CLASP2: variants seen among roughly 807,000 people sequenced by gnomAD.
CLASP2 encodes cytoplasmic linker associated protein 2.
Under a neutral mutation model 194.4 loss-of-function variants are expected in CLASP2, and 47 were observed. The observed-to-expected ratio is 0.24, with a 90% CI of 0.19 to 0.31. CLASP2 has a LOEUF of 0.31. Ranked by LOEUF, CLASP2 falls within the 10% of genes least tolerant of loss-of-function variation. The probability of loss-of-function intolerance (pLI) is 1.00; values close to 1 mark genes in which losing one functional copy is unlikely to be tolerated. For synonymous variants in CLASP2, 619 were observed against 633.5 expected, an observed-to-expected ratio of 0.98 and a Z score of 0.34; for missense variants, 1,445 against 1,823.6, an observed-to-expected ratio of 0.79 and a Z score of 3.78.
At chr3:33,705,740 T>C (rs1311675182) in intron 1 of CLASP2, among the ~76,000 whole-genome samples, 1 of 152,140 alleles carries the variant, frequency 6.6e-6, no homozygotes, top group Non-Finnish European at 1.5e-5. Context: ...GACTGGAAAC[T>C]ATCCAAACAT....
At chr3:33,587,667 C>A (rs1044748683) in intron 21 of CLASP2, among the ~76,000 whole-genome samples, 3 of 152,142 alleles carry the variant, frequency 2.0e-5, no homozygotes, top group African/African-American at 7.2e-5. Context: ...TTGAATGTTT[C>A]ATGATGTTTC....
At chr3:33,617,676 T>C (rs1213342535) in intron 12 of CLASP2, among the ~76,000 whole-genome samples, 1 of 151,814 alleles carries the variant, frequency 6.6e-6, no homozygotes, top group African/African-American at 2.4e-5. Context: ...ACAGAATTAA[T>C]ATCCTTGATA....
intron 29 of CLASP2, 58 bp from the exon 30 acceptor site, chr3:33,551,453 G>C (rs2059989649): frequency 2.0e-6 from 3 of 1,501,894 alleles, no homozygotes; most frequent in Non-Finnish European, 2.7e-6. Flanking sequence ...AGACACTAGA[G>C]AACATTTCAA....
chr3:33,596,661 A>T (rs1489782190), intron 19 of CLASP2, 50 bp downstream of exon 19: 1 of 1,318,036 alleles, frequency 7.6e-7, no homozygotes, highest in African/African-American at 1.5e-5. Context: ...ATTATATAGA[A>T]TCCAGGTTCC....
intron 28 of CLASP2, 144 bp downstream of exon 28, chr3:33,560,664 G>A (rs901497725): frequency 1.5e-6 from 1 of 672,340 alleles, no homozygotes; most frequent in Non-Finnish European, 2.5e-6. Flanking sequence ...TATACAATAT[G>A]AATGGGCATA....
chr3:33,573,045 G>C, intron 25 of CLASP2, 65 bp downstream of exon 25: 10 of 1,576,528 alleles, frequency 6.3e-6, no homozygotes, highest in South Asian at 3.5e-5. Flanking sequence ...AAGTGTTATA[G>C]AAACAAAGTA....
chr3:33,590,787 A>G (rs1437136053), intron 21 of CLASP2, among the ~76,000 whole-genome samples: 2 of 152,202 alleles, frequency 1.3e-5, no homozygotes, highest in South Asian at 4.1e-4. Context: ...TCCTGATTTC[A>G]AAATTCAGGA....
chr3:33,608,926 T>C (rs562459354), intron 13 of CLASP2, among the ~76,000 whole-genome samples: 1 of 152,114 alleles, frequency 6.6e-6, no homozygotes, highest in South Asian at 2.1e-4. Flanking sequence ...ATTGTTATGC[T>C]AAACAGTTCA....
At chr3:33,631,438 G>C (rs1421778822) in intron 9 of CLASP2, among the ~76,000 whole-genome samples, 1 of 152,188 alleles carries the variant, frequency 6.6e-6, no homozygotes, top group East Asian at 1.9e-4. Flanking sequence ...GCTCACGCCT[G>C]TAACCCCAGC....
chr3:33,559,487 A>C, intron 28 of CLASP2, 102 bp from the exon 29 acceptor site: 1 of 685,004 alleles, frequency 1.5e-6, no homozygotes, highest in Non-Finnish European at 2.5e-6. Flanking sequence ...GTCATCCAAA[A>C]AACATCCATG....
chr3:33,578,346 T>C (rs1463233782), intron 23 of CLASP2, among the ~76,000 whole-genome samples: 1 of 152,200 alleles, frequency 6.6e-6, no homozygotes, highest in Admixed American at 6.5e-5. Flanking sequence ...AATCTAAATT[T>C]AGCATATTTT....
chr3:33,531,809 A>T (rs1236320514), intron 34 of CLASP2, among the ~76,000 whole-genome samples: 1 of 151,116 alleles, frequency 6.6e-6, no homozygotes, highest in Non-Finnish European at 1.5e-5. Context: ...AAAACCTACA[A>T]TGGGATATCG....
chr3:33,593,624 C>T, intron 20 of CLASP2, among the ~76,000 whole-genome samples: 1 of 152,080 alleles, frequency 6.6e-6, no homozygotes, highest in Admixed American at 6.6e-5. Context: ...AACTTCAAGG[C>T]CCCTAATGAG....
intron 10 of CLASP2, among the ~76,000 whole-genome samples, chr3:33,625,694 T>C (rs1334016254): frequency 3.3e-5 from 5 of 151,986 alleles, no homozygotes; most frequent in Admixed American, 2.6e-4. Flanking sequence ...TTTTTAGAGA[T>C]AGCGTTTCAC....
chr3:33,656,515 C>G (rs925398611), intron 7 of CLASP2, among the ~76,000 whole-genome samples: 3 of 152,140 alleles, frequency 2.0e-5, no homozygotes, highest in African/African-American at 4.8e-5. Flanking sequence ...GGACAGCAGA[C>G]ACTACTGGTG....
At chr3:33,676,403 T>C (rs1481261357) in intron 6 of CLASP2, among the ~76,000 whole-genome samples, 1 of 148,594 alleles carries the variant, frequency 6.7e-6, no homozygotes, top group East Asian at 2.0e-4. Flanking sequence ...ACGCCGCATA[T>C]CTACAACTAT....
At chr3:33,520,260 C>T (rs1391309392) in intron 34 of CLASP2, among the ~76,000 whole-genome samples, 13 of 152,206 alleles carry the variant, frequency 8.5e-5, no homozygotes, top group Non-Finnish European at 1.5e-4. Context: ...CCTGCCTCGG[C>T]CTCCCAAAGT....
rs915967295 is a variant in CLASP2, at chr3:33,581,759, G to A, written c.2347+62C>T. 13 of 1,137,710 alleles carry A rather than the reference G, an allele frequency of 1.1e-5. No homozygotes were observed. In the African/African-American group the frequency reaches 1.2e-4, roughly 11 times the overall value. The allele number at this position is 1,137,710 out of a possible 1,614,324, so 70.5% of individuals were successfully genotyped here. A position where few individuals can be genotyped will look rare whatever the true frequency, so the allele number is the denominator to read the frequency against. ...AAAGCTAAATCCCAGGTATGCTGAA[G>A]TTAACAGATAGTGATAACACCATGG... is the stretch of plus-strand genomic sequence containing the variant. On this transcript the variant is annotated intron_variant, in intron 23 of 38. Coordinates refer to ENST00000682230, the MANE Select transcript of CLASP2 (RefSeq NM_001365631.1).
At chr3:33,601,002 AG>A (rs2071976183) in intron 18 of CLASP2, among the ~76,000 whole-genome samples, 1 of 125,926 alleles carries the variant, frequency 7.9e-6, no homozygotes, top group African/African-American at 3.1e-5. Context: ...TCCGTCCCTC[AG>A]GCTGGAGTGC....
Sources: allele counts gnomAD v4.1 joint callset (sites outside exome capture counted in the v4.1 genomes callset), GRCh38; gene constraint gnomAD v4.1.1; transcripts MANE v1.5; gene names NCBI Gene and HGNC (gene_info 2026-07-23, HGNC 2026-07-21).